The following SIAE variants were observed in gnomAD, a reference collection of about 807,000 sequenced individuals.
SIAE encodes the protein sialic acid acetylesterase, also known as sialate O-acetylesterase.
Under a neutral mutation model 52.6 loss-of-function variants are expected in SIAE, and 39 were observed. The ratio of observed to expected loss-of-function variants is 0.74; its 90% CI spans 0.57 to 0.97. SIAE has a LOEUF of 0.97. SIAE is among the 50% of genes least tolerant of loss of function. The probability of loss-of-function intolerance (pLI) is 0.00; values close to 1 mark genes in which losing one functional copy is unlikely to be tolerated. For synonymous variants in SIAE, 233 were observed against 241.4 expected, an observed-to-expected ratio of 0.97 and a Z score of 0.32; for missense variants, 592 against 662.1, an observed-to-expected ratio of 0.89 and a Z score of 1.16.
chr11:124,654,815 C>A lies in SIAE; in HGVS notation c.406-22G>T, dbSNP rs371990841. 5.6e-6 allele frequency: 9 copies of A among 1,612,282 alleles called. No homozygotes were observed. The East Asian group carries it at 6.7e-5, about 12-fold the overall frequency. ...ATATCTGGAAAAGAAATTGAAACGT[C>A]ATTTAACCTAGCAGGTGGTGAACTA... On this transcript the variant is annotated intron_variant, in intron 3 of 9. Coordinates refer to ENST00000263593, the MANE Select transcript of SIAE (RefSeq NM_170601.5).
chr11:124,649,931 G>T, intron 4 of SIAE, 135 bp from the exon 5 acceptor site: 1 of 807,678 alleles, frequency 1.2e-6, no homozygotes, highest in Non-Finnish European at 2.0e-6. Flanking sequence ...TTCAAAAGTA[G>T]GATAAGATTG....
chr11:124,671,772 G>GT (rs991065414), intron 1 of SIAE, among the ~76,000 whole-genome samples: 3 of 151,880 alleles, frequency 2.0e-5, no homozygotes. Context: ...TTGTTTGTTT[G>GT]TTTTTTTGAG....
chr11:124,653,117 G>A (rs1943040810), intron 4 of SIAE, among the ~76,000 whole-genome samples: 1 of 152,162 alleles, frequency 6.6e-6, no homozygotes, highest in Admixed American at 6.5e-5. Flanking sequence ...TTTATAGGGA[G>A]AGTTCGGATA....
At chr11:124,643,990 C>G (rs1445559186) in intron 7 of SIAE, among the ~76,000 whole-genome samples, 1 of 152,132 alleles carries the variant, frequency 6.6e-6, no homozygotes, top group Non-Finnish European at 1.5e-5. Flanking sequence ...CCAAATGCAA[C>G]TTTGAATCGA....
intron 5 of SIAE, among the ~76,000 whole-genome samples, chr11:124,648,675 A>T (rs1182876536): frequency 1.3e-5 from 2 of 152,148 alleles, no homozygotes; most frequent in Non-Finnish European, 2.9e-5. Flanking sequence ...CATCTTTTTT[A>T]AGGCTCTGAA....
chr11:124,637,098 C>G lies in SIAE; in HGVS notation c.1425G>C (p.Val475=), dbSNP rs1444961789. Residue 475 remains valine, a synonymous_variant, in exon 10 of 10, where the codon GTG becomes GTC. Transcript: ENST00000263593. ...TGGTCCAAGCATAGCGGAGAGCAAC[C>G]ACAGTGCCATGACAAGAATCGATCG... ...TLAIDSCHGT[V]VALRYAWTTW... The G allele has an allele frequency of 6.2e-7, 1 of 1,614,152 alleles. No individual in the cohort carries two copies. Among genetic ancestry groups the G allele is most frequent in the Non-Finnish European group, 8.5e-7 (1 of 1,180,034 alleles).
intron 4 of SIAE, among the ~76,000 whole-genome samples, chr11:124,653,736 A>C (rs1943051525): frequency 6.6e-6 from 1 of 152,250 alleles, no homozygotes; most frequent in Non-Finnish European, 1.5e-5. Flanking sequence ...GCATCTGTGA[A>C]GGGTGTTTGC....
upstream of SIAE, chr11:124,673,944 A>T (rs1308491066): frequency 3.5e-6 from 2 of 577,508 alleles, no homozygotes; most frequent in Non-Finnish European, 6.2e-6. Flanking sequence ...CAGCTCGGAG[A>T]GAAAGGAGGT....
At chr11:124,672,193 G>A (rs912279647) in intron 1 of SIAE, among the ~76,000 whole-genome samples, 3 of 152,230 alleles carry the variant, frequency 2.0e-5, no homozygotes, top group Non-Finnish European at 4.4e-5. Context: ...GATTAAAGGT[G>A]TGAGCCAACA....
chr11:124,639,939 CTG>C, intron 7 of SIAE, 72 bp from the exon 8 acceptor site: 1 of 1,526,390 alleles, frequency 6.6e-7, no homozygotes, highest in Non-Finnish European at 9.0e-7. Flanking sequence ...CTGGCAGACT[CTG>C]CTTCTGCTTC....
Position 124,654,785 on chromosome 11 carries a change from A to G in SIAE, c.414T>C (p.Asn138=). ...CAGTGTTAGACAACTCCCTTGTAGC[A>G]TTAAATATCTGGAAAAGAAATTGAA... The part of the protein sequence containing the change: ...NMQMTVLQIF[N]ATRELSNTAA... The change falls in exon 4 of 10, where the codon AAT becomes AAC. Residue 138 remains asparagine (N), a synonymous_variant. Coordinates refer to ENST00000263593, the MANE Select transcript of SIAE (RefSeq NM_170601.5). The G allele has an allele frequency of 6.2e-7, 1 of 1,613,722 alleles. No individual in the cohort carries two copies. Among genetic ancestry groups the G allele is most frequent in the Non-Finnish European group, 8.5e-7 (1 of 1,180,042 alleles).
chr11:124,673,538 C>G, intron 1 of SIAE, 104 bp downstream of exon 1: 2 of 1,377,572 alleles, frequency 1.5e-6, no homozygotes, highest in Non-Finnish European at 2.0e-6. Context: ...GTTCCTTCGT[C>G]GACCTTGAGA....
At position 124,648,184 on chromosome 11, in the gene SIAE, A is replaced by T. The variant is rs763448577; in HGVS notation, c.723-9T>A. 6.2e-7 allele frequency: 1 copy of T among 1,604,352 alleles called. No homozygotes were observed. The highest frequency in any genetic ancestry group is 8.5e-7 in the Non-Finnish European group (1 of 1,171,228). On this transcript the variant is annotated splice_polypyrimidine_tract_variant and intron_variant, in intron 5 of 9. Transcript: ENST00000263593. ...AATCGTATGGAATGGACCTGAAATC[A>T]TATGATGCACAAGTGTCACCAGAGA...
intron 5 of SIAE, 72 bp from the exon 6 acceptor site, chr11:124,648,247 TC>T (rs1942969361): frequency 9.2e-7 from 1 of 1,083,732 alleles, no homozygotes; most frequent in Non-Finnish European, 1.4e-6. Context: ...TAATTGGTCA[TC>T]TATCCACTTT....
intron 7 of SIAE, among the ~76,000 whole-genome samples, chr11:124,640,967 C>T (rs1372078241): frequency 1.3e-5 from 2 of 152,190 alleles, no homozygotes; most frequent in African/African-American, 4.8e-5. Flanking sequence ...TTAGCCAAAT[C>T]ACCCAAACCC....
In SIAE at chr11:124,638,660, T is replaced by G. The variant is rs1425084948; in HGVS notation, c.1202A>C (p.Asn401Thr). ...GARALAYGEK[N>T]LTFEGPLPEK... The stretch of plus-strand genomic sequence containing the variant: ...AGGCAGTGGTCCTTCAAAGGTCAAA[T>G]TCTTCTCACCATAAGCCAGAGCACG... The change falls in exon 9 of 10, where the codon AAT becomes ACT. Residue 401 changes from asparagine (N) to threonine (T), a missense_variant. By Grantham distance (65) the Asn-to-Thr change is moderately conservative (BLOSUM62 0). Transcript: ENST00000263593. 1 of 1,614,126 alleles carries G rather than the reference T, an allele frequency of 6.2e-7. No individual in the cohort carries two copies. Among genetic ancestry groups the G allele is most frequent in the South Asian group, 1.1e-5 (1 of 91,068 alleles).
In SIAE at chr11:124,673,636, C is replaced by T; in HGVS notation, c.67+6G>A. On this transcript the variant is annotated splice_donor_region_variant and intron_variant, in intron 1 of 9. Transcript: ENST00000263593. ...GCAGGGGTCCGGCCGAGCCGGGCCG[C>T]CTCACCTGCACTTCTGTCGGCCCAC... is the stretch of plus-strand genomic sequence containing the variant. The T allele has an allele frequency of 6.2e-7, 1 of 1,612,960 alleles. No individual in the cohort carries two copies. Among genetic ancestry groups the T allele is most frequent in the Non-Finnish European group, 8.5e-7 (1 of 1,179,612 alleles).
upstream of SIAE, chr11:124,675,163 A>C: frequency 7.1e-7 from 1 of 1,408,620 alleles, no homozygotes; most frequent in Non-Finnish European, 9.6e-7. Flanking sequence ...CTCAGAAATA[A>C]TTTGTTGGCA....
Position 124,637,179 on chromosome 11 carries a change from T to C in SIAE, c.1344A>G (p.Arg448=). The stretch of plus-strand genomic sequence containing the variant: ...TCATAGAAGCTGGAAGCCACTTGCA[T>C]CGATGGTCACTGCAACAGGAGATCT... ...IFEISCCSDH[R]CKWLPASMNT... The change falls in exon 10 of 10, where the codon CGA becomes CGG. Residue 448 remains arginine (R), a synonymous_variant. Transcript: ENST00000263593. 1 of 1,614,126 alleles carries C rather than the reference T, an allele frequency of 6.2e-7. No homozygotes were observed. The highest frequency in any genetic ancestry group is 1.3e-5 in the African/African-American group (1 of 75,028).
Sources: gnomAD v4.1 joint callset for allele counts (sites outside exome capture counted in the v4.1 genomes callset) on GRCh38, gnomAD v4.1.1 for gene constraint, MANE v1.5 for transcripts, NCBI Gene and HGNC (gene_info 2026-07-23, HGNC 2026-07-21) for gene names.